ZDHHC14: variants seen among roughly 807,000 people sequenced by gnomAD.
ZDHHC14 encodes the protein zDHHC palmitoyltransferase 14.
In ZDHHC14, 16 loss-of-function variants were observed where a neutral mutation model predicts 47.7. That is an observed-to-expected ratio of 0.34 (90% CI 0.23 to 0.51). The LOEUF (loss-of-function observed/expected upper bound fraction) is 0.51. ZDHHC14 is among the 20% of genes least tolerant of loss of function. ZDHHC14 has a pLI of 0.97. For missense variants in ZDHHC14, 515 were observed against 662.5 expected, an observed-to-expected ratio of 0.78 and a Z score of 2.44; for synonymous variants, 293 against 278.9, an observed-to-expected ratio of 1.05 and a Z score of -0.50.
At chr6:157,486,568 C>T (rs1394669580) in intron 1 of ZDHHC14, among the ~76,000 whole-genome samples, 1 of 152,160 alleles carries the variant, frequency 6.6e-6, no homozygotes, top group South Asian at 2.1e-4. Flanking sequence ...GAGCACCTAC[C>T]AAGTGCTAGG....
At chr6:157,420,521 G>A (rs112615950) in intron 1 of ZDHHC14, among the ~76,000 whole-genome samples, 4 of 152,048 alleles carry the variant, frequency 2.6e-5, no homozygotes, top group African/African-American at 7.3e-5. Context: ...ACTAATGAAG[G>A]AGAGGAGGTG....
intron 1 of ZDHHC14, among the ~76,000 whole-genome samples, chr6:157,503,824 C>T (rs751027533): frequency 1.3e-5 from 2 of 152,100 alleles, no homozygotes; most frequent in Non-Finnish European, 2.9e-5. Flanking sequence ...CATTACCAAG[C>T]GTTGGCAATG....
chr6:157,640,628 C>A (rs1318163822), intron 5 of ZDHHC14, among the ~76,000 whole-genome samples: 1 of 152,130 alleles, frequency 6.6e-6, no homozygotes, highest in African/African-American at 2.4e-5. Flanking sequence ...GAGCTGGAGC[C>A]CAGTTCTCCC....
chr6:157,532,898 C>T (rs1781414691), intron 1 of ZDHHC14, among the ~76,000 whole-genome samples: 1 of 152,116 alleles, frequency 6.6e-6, no homozygotes, highest in Non-Finnish European at 1.5e-5. Context: ...AATATTTCGG[C>T]AATTATCTTC....
At chr6:157,470,033 G>A (rs970249722) in intron 1 of ZDHHC14, among the ~76,000 whole-genome samples, 14 of 152,304 alleles carry the variant, frequency 9.2e-5, no homozygotes, top group African/African-American at 2.9e-4. Context: ...TTGAAAGTGT[G>A]TTGTTGTGAG....
chr6:157,530,802 C>T (rs1265048403), intron 1 of ZDHHC14, among the ~76,000 whole-genome samples: 1 of 152,148 alleles, frequency 6.6e-6, no homozygotes, highest in African/African-American at 2.4e-5. Context: ...TAGCCTTCTG[C>T]ACTCACATGT....
chr6:157,630,466 TACCC>T (rs1785631759), intron 4 of ZDHHC14: 1 of 151,798 alleles, frequency 6.6e-6, no homozygotes, highest in African/African-American at 2.4e-5. Flanking sequence ...CTCACACTCT[TACCC>T]ACACTCATTC....
chr6:157,393,995 G>C (rs1322535706), intron 1 of ZDHHC14, among the ~76,000 whole-genome samples: 2 of 152,266 alleles, frequency 1.3e-5, no homozygotes, highest in African/African-American at 4.8e-5. Context: ...TGCCTGTAGA[G>C]ATCTCTGCCG....
chr6:157,627,331 T>C (rs1785475887), intron 3 of ZDHHC14, among the ~76,000 whole-genome samples: 1 of 152,162 alleles, frequency 6.6e-6, no homozygotes, highest in African/African-American at 2.4e-5. Context: ...TGGATACAAG[T>C]TCAGCTTAGA....
intron 1 of ZDHHC14, among the ~76,000 whole-genome samples, chr6:157,540,906 G>GTATATATATATA (rs1470065372): frequency 9.4e-5 from 12 of 127,082 alleles, no homozygotes; most frequent in Non-Finnish European, 1.7e-4. Flanking sequence ...GTGTGTGTGT[G>GTATATATATATA]TGTGTATATA....
chr6:157,634,919 G>C (rs150237468), intron 5 of ZDHHC14, among the ~76,000 whole-genome samples: 2 of 152,204 alleles, frequency 1.3e-5, no homozygotes, highest in South Asian at 4.2e-4. Flanking sequence ...TGCTCCGTAC[G>C]TGTCCCCTGG....
At chr6:157,587,670 T>C (rs1160902025) in intron 2 of ZDHHC14, among the ~76,000 whole-genome samples, 1 of 152,198 alleles carries the variant, frequency 6.6e-6, no homozygotes, top group Non-Finnish European at 1.5e-5. Flanking sequence ...CCACACTGCC[T>C]GCTCTCCCTC....
intron 8 of ZDHHC14, among the ~76,000 whole-genome samples, chr6:157,654,199 C>T (rs1464121786): frequency 6.6e-6 from 1 of 152,184 alleles, no homozygotes; most frequent in African/African-American, 2.4e-5. Flanking sequence ...GACGGGTGGA[C>T]ATGCTTTGCT....
intron 1 of ZDHHC14, among the ~76,000 whole-genome samples, chr6:157,531,841 A>G (rs950902613): frequency 5.3e-5 from 8 of 152,236 alleles, no homozygotes; most frequent in Non-Finnish European, 1.0e-4. Flanking sequence ...AAAGGCCTTG[A>G]GTTACTGCAT....
At chr6:157,511,450 G>A (rs376246684) in intron 1 of ZDHHC14, among the ~76,000 whole-genome samples, 19 of 151,060 alleles carry the variant, frequency 1.3e-4, no homozygotes, top group East Asian at 5.8e-4. Flanking sequence ...GTGCCATCTC[G>A]GCTCACTACA....
intron 1 of ZDHHC14, among the ~76,000 whole-genome samples, chr6:157,413,154 A>G (rs1240904338): frequency 6.6e-6 from 1 of 152,188 alleles, no homozygotes; most frequent in Admixed American, 6.5e-5. Flanking sequence ...CCTGGCATAC[A>G]GTAGACACGC....
chr6:157,458,936 A>G (rs1778999328), intron 1 of ZDHHC14, among the ~76,000 whole-genome samples: 1 of 139,824 alleles, frequency 7.2e-6, no homozygotes, highest in Non-Finnish European at 1.5e-5. Context: ...CTCACTGCAA[A>G]CTCCATCTCC....
intron 1 of ZDHHC14, among the ~76,000 whole-genome samples, chr6:157,411,515 G>A (rs1777869154): frequency 6.6e-6 from 1 of 152,182 alleles, no homozygotes; most frequent in African/African-American, 2.4e-5. Context: ...ATTGCCCTAT[G>A]CAGCCAACCT....
At chr6:157,541,884 G>T (rs2114803617) in intron 1 of ZDHHC14, among the ~76,000 whole-genome samples, 1 of 152,320 alleles carries the variant, frequency 6.6e-6, no homozygotes, top group Non-Finnish European at 1.5e-5. Context: ...GCAGTGAAAA[G>T]GTCGAGTTAA....
Sources: gnomAD v4.1 joint callset for allele counts (sites outside exome capture counted in the v4.1 genomes callset) on GRCh38, gnomAD v4.1.1 for gene constraint, MANE v1.5 for transcripts, NCBI Gene and HGNC (gene_info 2026-07-23, HGNC 2026-07-21) for gene names.